The following GABRB1 variants were observed in gnomAD, a reference collection of about 807,000 sequenced individuals.
GABRB1 encodes the protein gamma-aminobutyric acid receptor subunit beta-1.
Under a neutral mutation model 51.6 loss-of-function variants are expected in GABRB1, and 17 were observed. That is an observed-to-expected ratio of 0.33 (90% confidence interval 0.23 to 0.49). GABRB1 has a LOEUF of 0.49. Ranked by LOEUF, GABRB1 falls within the 20% of genes least tolerant of loss-of-function variation. The pLI, the probability that GABRB1 is intolerant of heterozygous loss-of-function variation, is 0.99. For synonymous variants in GABRB1, 247 were observed against 218.9 expected, an observed-to-expected ratio of 1.13 and a Z score of -1.14; for missense variants, 410 against 600.6, an observed-to-expected ratio of 0.68 and a Z score of 3.32.
chr4:47,220,073 A>G (rs1045452655), intron 4 of GABRB1, among the ~76,000 whole-genome samples: 15 of 151,950 alleles, frequency 9.9e-5, no homozygotes, highest in Admixed American at 9.9e-4. Context: ...TCAAACCACA[A>G]TATATATTTA....
chr4:47,031,769 TCTCTC>T, intron 1 of GABRB1, 38 bp downstream of exon 1: 6 of 1,573,602 alleles, frequency 3.8e-6, no homozygotes, highest in Non-Finnish European at 5.2e-6. Context: ...TCTCTCTCTC[TCTCTC>T]TTTTTTTCTT....
chr4:47,376,208 A>G lies in GABRB1; in HGVS notation c.545-27110A>G, dbSNP rs1010760898. Among the ~76,000 whole-genome samples the G allele has an allele frequency of 2.6e-5, 4 of 152,214 alleles. No individual in the cohort carries two copies. In the South Asian group the frequency reaches 8.3e-4, roughly 32 times the overall value. On this transcript the variant is annotated intron_variant, in intron 5 of 8. Transcript: ENST00000295454. ...GAGGACAGGAGACTGTCAGAGAAAGATAAGGATAGAACCCAGAAATTTTAT... is the reference window on the plus strand; with the variant it reads ...GAGGACAGGAGACTGTCAGAGAAAGGTAAGGATAGAACCCAGAAATTTTAT...
At chr4:47,402,802 C>T (rs911418955) in intron 5 of GABRB1, among the ~76,000 whole-genome samples, 1 of 152,168 alleles carries the variant, frequency 6.6e-6, no homozygotes, top group African/African-American at 2.4e-5. Flanking sequence ...TTAATAAAAG[C>T]TTGCCAAATT....
intron 5 of GABRB1, among the ~76,000 whole-genome samples, chr4:47,340,443 G>A (rs1725842897): frequency 6.6e-6 from 1 of 151,958 alleles, no homozygotes; most frequent in Admixed American, 6.6e-5. Flanking sequence ...CCTTCGAGGG[G>A]GTAGGTTATA....
intron 5 of GABRB1, among the ~76,000 whole-genome samples, chr4:47,381,040 A>T (rs1415316850): frequency 6.6e-6 from 1 of 152,164 alleles, no homozygotes; most frequent in Admixed American, 6.5e-5. Context: ...TAGAGGGCTC[A>T]GATAGCACAG....
intron 4 of GABRB1, among the ~76,000 whole-genome samples, chr4:47,174,127 C>T (rs776282255): frequency 2.7e-4 from 41 of 151,996 alleles, no homozygotes; most frequent in Admixed American, 8.5e-4. Context: ...TTCAGTGGTG[C>T]AATCATGGCT....
At chr4:47,355,072 G>A (rs1227502659) in intron 5 of GABRB1, among the ~76,000 whole-genome samples, 11 of 129,140 alleles carry the variant, frequency 8.5e-5, no homozygotes, top group Non-Finnish European at 1.3e-4. Context: ...TGCAACCTCC[G>A]CCTCCCGGGT....
At chr4:47,084,636 TA>T (rs1727990812) in intron 3 of GABRB1, among the ~76,000 whole-genome samples, 1 of 152,200 alleles carries the variant, frequency 6.6e-6, no homozygotes, top group Non-Finnish European at 1.5e-5. Context: ...CAGATATAAT[TA>T]CTTTGGGGTT....
In GABRB1 at chr4:47,043,522, C is replaced by T. The variant is rs193252829; in HGVS notation, c.240+11038C>T. Among the ~76,000 whole-genome samples, 3 of 152,168 alleles carry T rather than the reference C, an allele frequency of 2.0e-5. No homozygotes were observed. In the East Asian group the frequency reaches 5.8e-4, roughly 29 times the overall value. On this transcript the variant is annotated intron_variant, in intron 3 of 8. Coordinates refer to ENST00000295454, the MANE Select transcript of GABRB1 (RefSeq NM_000812.4). ...TCACTGTTACCAGACATAAATTTAA[C>T]TTGATGAATTATGTGTTTGCATAGT...
At chr4:47,380,726 A>C (rs1727565829) in intron 5 of GABRB1, among the ~76,000 whole-genome samples, 1 of 152,204 alleles carries the variant, frequency 6.6e-6, no homozygotes, top group Admixed American at 6.5e-5. Flanking sequence ...GAATTCTATT[A>C]TGGTTTTTGC....
intron 5 of GABRB1, among the ~76,000 whole-genome samples, chr4:47,322,430 T>G (rs978991584): frequency 6.6e-6 from 1 of 151,804 alleles, no homozygotes; most frequent in African/African-American, 2.4e-5. Flanking sequence ...TAATGAGGAG[T>G]CTACAGAGGC....
intron 3 of GABRB1, among the ~76,000 whole-genome samples, chr4:47,138,331 G>T (rs553877445): frequency 1.3e-5 from 2 of 152,142 alleles, no homozygotes; most frequent in Admixed American, 6.6e-5. Context: ...AATTCAGCTC[G>T]ATCAATGTAG....
chr4:47,406,086 A>G (rs1728556008), intron 7 of GABRB1, among the ~76,000 whole-genome samples: 1 of 152,154 alleles, frequency 6.6e-6, no homozygotes, highest in South Asian at 2.1e-4. Context: ...TAAAATATAC[A>G]TAAATCAAGC....
At chr4:47,107,126 T>C (rs1343030536) in intron 3 of GABRB1, among the ~76,000 whole-genome samples, 1 of 152,132 alleles carries the variant, frequency 6.6e-6, no homozygotes, top group Non-Finnish European at 1.5e-5. Flanking sequence ...TTTGAAACTT[T>C]TCAAGGCAGC....
chr4:47,283,471 C>T (rs1334915929), intron 4 of GABRB1, among the ~76,000 whole-genome samples: 2 of 144,430 alleles, frequency 1.4e-5, no homozygotes, highest in South Asian at 2.3e-4. Flanking sequence ...CTGCAAGCTC[C>T]GCCTCCCAGG....
At chr4:47,034,218 T>C (rs532505161) in intron 3 of GABRB1, among the ~76,000 whole-genome samples, 1 of 152,318 alleles carries the variant, frequency 6.6e-6, no homozygotes, top group South Asian at 2.1e-4. Context: ...TTCAGAATTT[T>C]AAAAAATATA....
chr4:47,216,862 C>T (rs1720574789), intron 4 of GABRB1, among the ~76,000 whole-genome samples: 1 of 151,866 alleles, frequency 6.6e-6, no homozygotes, highest in Non-Finnish European at 1.5e-5. Context: ...CCTAAGTTTG[C>T]ACTCTCACAC....
chr4:47,254,554 A>G (rs1167049482), intron 4 of GABRB1, among the ~76,000 whole-genome samples: 1 of 150,890 alleles, frequency 6.6e-6, no homozygotes, highest in East Asian at 1.9e-4. Context: ...GTGTGTTTTT[A>G]GTAGAGACGG....
chr4:47,166,803 A>G (rs181355552), intron 4 of GABRB1, among the ~76,000 whole-genome samples: 1 of 151,990 alleles, frequency 6.6e-6, no homozygotes, highest in East Asian at 1.9e-4. Flanking sequence ...AGCCCTACCG[A>G]TGCCCTCCCT....
Sources: gnomAD v4.1 joint callset for allele counts (sites outside exome capture counted in the v4.1 genomes callset) on GRCh38, gnomAD v4.1.1 for gene constraint, MANE v1.5 for transcripts, NCBI Gene and HGNC (gene_info 2026-07-23, HGNC 2026-07-21) for gene names.